The following MTCL1 variants were observed in gnomAD, a reference collection of about 807,000 sequenced individuals.
MTCL1 encodes the protein microtubule crosslinking factor 1, also known as microtubule cross-linking factor 1.
A neutral mutation model predicts 141.4 loss-of-function variants in MTCL1; 79 were observed. The ratio of observed to expected loss-of-function variants is 0.56; its 90% CI spans 0.47 to 0.67. MTCL1 has a LOEUF of 0.67. MTCL1 is among the 30% of genes least tolerant of loss of function. The pLI, the probability that MTCL1 is intolerant of heterozygous loss-of-function variation, is 0.00. For synonymous variants in MTCL1, 914 were observed against 875.8 expected (o/e 1.04, Z -0.77); for missense variants, 2,177 against 2,113.9 (o/e 1.03, Z -0.59).
chr18:8,718,712 T>G (rs2096147295), intron 3 of MTCL1, 64 bp downstream of exon 2: 15 of 1,484,448 alleles, frequency 1.0e-5, no homozygotes, highest in Non-Finnish European at 1.3e-5. Context: ...CACATGCACG[T>G]TGCCCTGGTG....
intron 4 of MTCL1, among the ~76,000 whole-genome samples, chr18:8,725,882 C>T (rs1302210836): frequency 2.2e-4 from 33 of 150,308 alleles, no homozygotes; most frequent in South Asian, 4.2e-4. Context: ...CTCTGCCTCC[C>T]GGGTTCACGC....
At chr18:8,770,166 C>T (rs941669224) in intron 4 of MTCL1, among the ~76,000 whole-genome samples, 2 of 152,254 alleles carry the variant, frequency 1.3e-5, no homozygotes, top group Admixed American at 1.3e-4. Flanking sequence ...TAGGGTTGGG[C>T]CCAGGTTGGT....
At chr18:8,763,472 A>G (rs1220362966) in intron 4 of MTCL1, among the ~76,000 whole-genome samples, 2 of 152,236 alleles carry the variant, frequency 1.3e-5, no homozygotes, top group African/African-American at 4.8e-5. Context: ...TCAGGCCACC[A>G]CCAAGGCAGA....
intron 4 of MTCL1, among the ~76,000 whole-genome samples, chr18:8,730,585 C>T (rs1455527557): frequency 6.6e-6 from 1 of 152,200 alleles, no homozygotes; most frequent in Non-Finnish European, 1.5e-5. Context: ...TCATCAACTT[C>T]CTGAACGTCA....
chr18:8,829,965 T>C (rs2077145349), intron 16 of MTCL1: 3 of 985,452 alleles, frequency 3.0e-6, no homozygotes, highest in Non-Finnish European at 3.6e-6. Context: ...AAGCCTGCTC[T>C]TCAGCACCAG....
chr18:8,762,796 A>T (rs1396521222), intron 4 of MTCL1, among the ~76,000 whole-genome samples: 9 of 152,196 alleles, frequency 5.9e-5, no homozygotes, highest in Admixed American at 5.9e-4. Context: ...CAGGAAAAGC[A>T]GGAGGACTGA....
rs375195290 is a variant in MTCL1 at position 8,746,674 on chromosome 18, G to A, written c.357+26178G>A. The stretch of plus-strand genomic sequence containing the variant: ...GTGTTTGCAAACCCTGCTGACAGGG[G>A]CCCCTGCACTGCTCCCCATCTCCTG... On this transcript the variant is annotated intron_variant, in intron 4 of 16. Transcript: ENST00000359865. Among the ~76,000 whole-genome samples the A allele has an allele frequency of 2.2e-3, 333 of 152,266 alleles. 2 individuals are homozygous for A. The highest frequency in any genetic ancestry group is 7.0e-3 in the African/African-American group (289 of 41,556).
At chr18:8,800,792 G>A (rs1045725064) in intron 10 of MTCL1, 13 of 152,200 alleles carry the variant, frequency 8.5e-5, no homozygotes, top group South Asian at 2.1e-4. Context: ...TTAATGGTGT[G>A]GGAATGATGG....
At chr18:8,768,267 G>A (rs2096468475) in intron 4 of MTCL1, among the ~76,000 whole-genome samples, 1 of 152,120 alleles carries the variant, frequency 6.6e-6, no homozygotes, top group South Asian at 2.1e-4. Flanking sequence ...AAAATAAATG[G>A]TAGATGCCTA....
At chr18:8,824,408 TC>T (rs1350762171) in intron 14 of MTCL1, among the ~76,000 whole-genome samples, 2 of 152,366 alleles carry the variant, frequency 1.3e-5, no homozygotes, top group African/African-American at 2.4e-5. Flanking sequence ...CAAGTGATTC[TC>T]CTGTCTTGGC....
At chr18:8,732,401 C>T (rs774452266) in intron 4 of MTCL1, among the ~76,000 whole-genome samples, 9 of 152,010 alleles carry the variant, frequency 5.9e-5, no homozygotes, top group African/African-American at 9.7e-5. Context: ...GGTGAGCTGC[C>T]GTGTTTGGCT....
chr18:8,798,314 G>A, intron 10 of MTCL1, 23 bp downstream of exon 9: 1 of 1,481,686 alleles, frequency 6.7e-7, no homozygotes, highest in Non-Finnish European at 9.0e-7. Context: ...ACCCGAGCCT[G>A]TCGCCCTGCC....
intron 11 of MTCL1, chr18:8,809,344 T>C: frequency 1.4e-6 from 2 of 1,394,770 alleles, no homozygotes; most frequent in Non-Finnish European, 1.9e-6. Context: ...CCTCCGGTTA[T>C]AAACATAGGC....
chr18:8,734,617 G>C (rs1448665677), intron 4 of MTCL1, among the ~76,000 whole-genome samples: 2 of 152,190 alleles, frequency 1.3e-5, no homozygotes, highest in Non-Finnish European at 2.9e-5. Context: ...TCTGTGGGAA[G>C]ATTAGAGGGC....
chr18:8,824,847 A>G, exon 15 of MTCL1: 2 of 1,614,116 alleles, frequency 1.2e-6, no homozygotes, highest in Non-Finnish European at 1.7e-6. Flanking sequence ...CGAGGAGTTC[A>G]ACAAGAGCTG....
intron 10 of MTCL1, among the ~76,000 whole-genome samples, chr18:8,806,201 G>C (rs2076291482): frequency 6.6e-6 from 1 of 152,078 alleles, no homozygotes; most frequent in Non-Finnish European, 1.5e-5. Flanking sequence ...TTCCTGAACA[G>C]GTTATGCATT....
At chr18:8,825,865 A>G (rs766478018) in exon 15 of MTCL1, 3 of 1,614,150 alleles carry the variant, frequency 1.9e-6, no homozygotes, top group Non-Finnish European at 2.5e-6. Context: ...ATCATTGACC[A>G]CAGCCCCGTG....
chr18:8,720,318 A>C lies in MTCL1; in HGVS notation c.199-20A>C, dbSNP rs1244933251. ...CAAAAAGCCTCATATCCTGATAATG[A>C]TCTCTGTGGGTCGATGCAGGTAGCC... On this transcript the variant is annotated intron_variant, in intron 3 of 16. Coordinates refer to ENST00000359865, the Ensembl canonical transcript of MTCL1. 1.2e-6 allele frequency: 2 copies of C among 1,613,460 alleles called. No individual in the cohort carries two copies. The highest frequency in any genetic ancestry group is 8.5e-7 in the Non-Finnish European group (1 of 1,179,722).
intron 10 of MTCL1, among the ~76,000 whole-genome samples, chr18:8,805,504 C>T (rs2144089167): frequency 6.6e-6 from 1 of 152,276 alleles, no homozygotes; most frequent in Admixed American, 6.5e-5. Context: ...TCTTAAATTC[C>T]TCCCATATAT....
Sources: gnomAD v4.1 joint callset for allele counts (sites outside exome capture counted in the v4.1 genomes callset) on GRCh38, gnomAD v4.1.1 for gene constraint, MANE v1.5 for transcripts, NCBI Gene and HGNC (gene_info 2026-07-23, HGNC 2026-07-21) for gene names.